The following NEDD4L variants were observed in gnomAD, a reference collection of about 807,000 sequenced individuals.
NEDD4L encodes NEDD4 like E3 ubiquitin protein ligase, also known as E3 ubiquitin-protein ligase NEDD4-like.
NEDD4L carries 54 observed loss-of-function variants against 148.9 expected under a neutral mutation model. The observed-to-expected ratio is 0.36, with a 90% CI of 0.29 to 0.45. The LOEUF is 0.45. Ranked by LOEUF, NEDD4L falls within the 20% of genes least tolerant of loss-of-function variation. The pLI is 1.00. For missense variants in NEDD4L, 856 were observed against 1,233.8 expected (o/e 0.69, Z 4.59); for synonymous variants, 433 against 440.7 (o/e 0.98, Z 0.22).
rs138475525 is a variant in NEDD4L, at chr18:58,300,273, T to C, written c.298-15709T>C. On this transcript the variant is annotated intron_variant, in intron 5 of 30. Coordinates refer to ENST00000400345, the MANE Select transcript of NEDD4L (RefSeq NM_001144967.3). ...GTGGTGAGTGCCTTGTATATGCTAA[T>C]AGTTGTTGATTTATAGCTTAAAATT... 1.7e-3 allele frequency among the ~76,000 whole-genome samples: 261 copies of C among 152,334 alleles called. 2 individuals are homozygous for C. Among genetic ancestry groups the C allele is most frequent in the Non-Finnish European group, 2.9e-3 (198 of 68,030 alleles).
chr18:58,353,507 G>A (rs986504562), intron 18 of NEDD4L, among the ~76,000 whole-genome samples: 19 of 152,348 alleles, frequency 1.2e-4, no homozygotes, highest in East Asian at 3.9e-4. Context: ...AGCTGTTCAT[G>A]CTACGTTTCT....
At chr18:58,345,766 C>T (rs1249524515) in intron 16 of NEDD4L, among the ~76,000 whole-genome samples, 2 of 151,790 alleles carry the variant, frequency 1.3e-5, no homozygotes, top group African/African-American at 2.4e-5. Flanking sequence ...GTTTTTGAGA[C>T]GGAGTCTCAC....
At chr18:58,268,755 T>G (rs17064591) in intron 5 of NEDD4L, among the ~76,000 whole-genome samples, 6,946 of 152,186 alleles carry the variant, frequency 0.046, 505 homozygotes, top group African/African-American at 0.15. Flanking sequence ...ATGAAGTCCT[T>G]TGGTCATCGT....
chr18:58,367,943 G>C (rs556533458), intron 22 of NEDD4L, 76 bp downstream of exon 22: 1 of 1,501,032 alleles, frequency 6.7e-7, no homozygotes, highest in Non-Finnish European at 9.2e-7. Flanking sequence ...TCGCATCATG[G>C]GTTTTTAAGC....
intron 2 of NEDD4L, among the ~76,000 whole-genome samples, chr18:58,235,930 G>A (rs2045956960): frequency 6.6e-6 from 1 of 152,172 alleles, no homozygotes; most frequent in African/African-American, 2.4e-5. Flanking sequence ...CTACTTGGGA[G>A]GCTGAGGCAG....
intron 15 of NEDD4L, among the ~76,000 whole-genome samples, chr18:58,342,192 T>C (rs573653650): frequency 3.3e-5 from 5 of 152,364 alleles, no homozygotes; most frequent in African/African-American, 1.2e-4. Flanking sequence ...ATCATTTGTT[T>C]TTCTTTCGAC....
intron 1 of NEDD4L, among the ~76,000 whole-genome samples, chr18:58,075,020 A>G (rs931077753): frequency 2.0e-5 from 3 of 152,216 alleles, no homozygotes; most frequent in Non-Finnish European, 2.9e-5. Context: ...AATAACAATA[A>G]TAATAACCTA....
intron 1 of NEDD4L, among the ~76,000 whole-genome samples, chr18:58,164,517 G>A (rs2036603824): frequency 6.6e-6 from 1 of 152,200 alleles, no homozygotes; most frequent in South Asian, 2.1e-4. Flanking sequence ...TGTCACCCAG[G>A]CTGGAGTGCA....
chr18:58,270,076 T>C (rs929994398), intron 5 of NEDD4L, among the ~76,000 whole-genome samples: 2 of 152,218 alleles, frequency 1.3e-5, no homozygotes, highest in African/African-American at 4.8e-5. Flanking sequence ...CGGTCTATCC[T>C]GTTATGTCTT....
At chr18:58,206,497 A>G (rs769450864) in intron 2 of NEDD4L, among the ~76,000 whole-genome samples, 1 of 152,140 alleles carries the variant, frequency 6.6e-6, no homozygotes, top group Non-Finnish European at 1.5e-5. Context: ...TTTCCAGTCA[A>G]ATGTAACCAG....
chr18:58,330,975 A>C (rs1377317696), intron 11 of NEDD4L, 61 bp downstream of exon 11: 7 of 1,541,684 alleles, frequency 4.5e-6, no homozygotes, highest in Admixed American at 1.7e-5. Flanking sequence ...TTTGTTGCTT[A>C]AGGAGAATCT....
intron 2 of NEDD4L, among the ~76,000 whole-genome samples, chr18:58,167,292 T>C (rs1568317661): frequency 6.6e-6 from 1 of 152,240 alleles, no homozygotes; most frequent in Non-Finnish European, 1.5e-5. Context: ...CATGCAAGGA[T>C]AAGCCAGGTC....
At chr18:58,150,047 T>C (rs1207472413) in intron 1 of NEDD4L, among the ~76,000 whole-genome samples, 1 of 152,242 alleles carries the variant, frequency 6.6e-6, no homozygotes, top group Non-Finnish European at 1.5e-5. Flanking sequence ...TTATGGATTT[T>C]CTCTTAGGTT....
intron 1 of NEDD4L, among the ~76,000 whole-genome samples, chr18:58,078,030 T>C (rs963181317): frequency 4.6e-5 from 7 of 151,076 alleles, no homozygotes; most frequent in Admixed American, 2.0e-4. Flanking sequence ...TTTTTTTTTT[T>C]TTGCCTAAAA....
chr18:58,244,205 G>A (rs1232131066), intron 2 of NEDD4L, among the ~76,000 whole-genome samples: 1 of 152,152 alleles, frequency 6.6e-6, no homozygotes, highest in Non-Finnish European at 1.5e-5. Flanking sequence ...CCACTAACGG[G>A]CAGTTCTGAA....
chr18:58,344,945 C>G (rs1348144075), intron 16 of NEDD4L, among the ~76,000 whole-genome samples: 1 of 152,238 alleles, frequency 6.6e-6, no homozygotes, highest in Non-Finnish European at 1.5e-5. Flanking sequence ...ATCAAATCCC[C>G]TAACCTTTTC....
chr18:58,313,819 T>C lies in NEDD4L; in HGVS notation c.298-2163T>C, dbSNP rs184599011. 9.8e-4 allele frequency among the ~76,000 whole-genome samples: 149 copies of C among 152,320 alleles called. 1 individual carries two copies. Among genetic ancestry groups the C allele is most frequent in the Non-Finnish European group, 1.6e-3 (111 of 68,024 alleles). The stretch of plus-strand genomic sequence containing the variant: ...GTTTTATCAGTTTAGAACTCAGATG[T>C]CTCCCTGGCAAAACAACACGGGCAT... On this transcript the variant is annotated intron_variant, in intron 5 of 30. Transcript: ENST00000400345.
intron 1 of NEDD4L, among the ~76,000 whole-genome samples, chr18:58,114,345 A>AT (rs1456889990): frequency 4.7e-5 from 7 of 149,526 alleles, no homozygotes; most frequent in African/African-American, 1.2e-4. Context: ...AGATTTAAAA[A>AT]AAATATATAT....
chr18:58,093,027 A>T (rs1205645451), intron 1 of NEDD4L, among the ~76,000 whole-genome samples: 1 of 150,908 alleles, frequency 6.6e-6, no homozygotes, highest in Admixed American at 6.6e-5. Context: ...CACCTGGCTA[A>T]TTTTTTTTTG....
Sources: allele counts gnomAD v4.1 joint callset (sites outside exome capture counted in the v4.1 genomes callset), GRCh38; gene constraint gnomAD v4.1.1; transcripts MANE v1.5; gene names NCBI Gene and HGNC (gene_info 2026-07-23, HGNC 2026-07-21).